COG6: variants seen among roughly 807,000 people sequenced by gnomAD.
The protein encoded by COG6 is component of oligomeric golgi complex 6, also known as conserved oligomeric Golgi complex subunit 6.
COG6 carries 74 observed loss-of-function variants against 88.8 expected under a neutral mutation model. That is an observed-to-expected ratio of 0.83 (90% CI 0.69 to 1.01). The LOEUF (loss-of-function observed/expected upper bound fraction) is 1.01, where lower values mean the gene tolerates loss of function less well. Among genes scored for constraint, COG6 ranks in the 50% least tolerant of loss-of-function variants. The pLI, the probability that COG6 is intolerant of heterozygous loss-of-function variation, is 0.00. For synonymous variants in COG6, 286 were observed against 278.7 expected (o/e 1.03, Z -0.26); for missense variants, 800 against 797.9 (o/e 1.00, Z -0.03).
At chr13:39,787,450 C>A (rs1479109808) in intron 18 of COG6, among the ~76,000 whole-genome samples, 1 of 151,998 alleles carries the variant, frequency 6.6e-6, no homozygotes, top group Non-Finnish European at 1.5e-5. Context: ...ATTAGTTTCA[C>A]CATTTTACAG....
chr13:39,705,029 A>G (rs1315682811), intron 13 of COG6, among the ~76,000 whole-genome samples: 1 of 152,136 alleles, frequency 6.6e-6, no homozygotes, highest in Non-Finnish European at 1.5e-5. Flanking sequence ...ATGTTCCATA[A>G]TTTTATATTA....
rs1880595083 is a variant in COG6, at chr13:39,751,031, T to C, written c.1912T>C (p.Tyr638His). Residue 638 changes from tyrosine (Y) to histidine (H), a missense_variant, in exon 19 of 19, where the codon TAC becomes CAC. By Grantham distance (83) the Tyr-to-His change is moderately conservative. Transcript: ENST00000455146. ...YAAVMNPINEYKDPENILHRS... is the reference protein window; with the variant it reads ...YAAVMNPINEHKDPENILHRS... ...AGCCGTGATGAATCCAATCAATGAA[T>C]ACAAAGATCCAGAGAACATTCTTCA... is the stretch of plus-strand genomic sequence containing the variant. 1 of 1,613,750 alleles carries C rather than the reference T, an allele frequency of 6.2e-7. No homozygotes were observed. Among genetic ancestry groups the C allele is most frequent in the Non-Finnish European group, 8.5e-7 (1 of 1,179,792 alleles).
At chr13:39,677,406 G>A (rs1232223291) in intron 4 of COG6, 62 bp from the exon 5 acceptor site, 24 of 902,170 alleles carry the variant, frequency 2.7e-5, no homozygotes, top group Non-Finnish European at 4.1e-5. Context: ...GATAGAATTT[G>A]TTTTAAAGCT....
chr13:39,720,021 A>G (rs1352526575), intron 15 of COG6, among the ~76,000 whole-genome samples, 194 bp downstream of exon 15: 1 of 151,460 alleles, frequency 6.6e-6, no homozygotes, highest in African/African-American at 2.4e-5. Context: ...ACACACACAC[A>G]CACACAAATT....
chr13:39,762,814 T>C (rs562397271), intron 18 of COG6, among the ~76,000 whole-genome samples: 19 of 151,518 alleles, frequency 1.3e-4, no homozygotes, highest in Non-Finnish European at 2.5e-4. Context: ...CTTTTTCTTT[T>C]CTTTTATGCT....
At chr13:39,668,293 AT>A (rs1408962013) in intron 4 of COG6, among the ~76,000 whole-genome samples, 2 of 152,106 alleles carry the variant, frequency 1.3e-5, no homozygotes, top group Non-Finnish European at 2.9e-5. Flanking sequence ...TATCCCAGGT[AT>A]TTTTATGCAG....
At chr13:39,716,933 G>T (rs1878560207) in intron 13 of COG6, among the ~76,000 whole-genome samples, 1 of 152,100 alleles carries the variant, frequency 6.6e-6, no homozygotes. Flanking sequence ...ATCTTTGTTG[G>T]AGTCTTGACC....
chr13:39,685,384 A>T (rs1355796785), intron 8 of COG6, among the ~76,000 whole-genome samples: 1 of 152,110 alleles, frequency 6.6e-6, no homozygotes, highest in African/African-American at 2.4e-5. Context: ...GCTTTAAATT[A>T]TATTTGTTCT....
At chr13:39,662,464 G>C (rs7999758) in intron 3 of COG6, among the ~76,000 whole-genome samples, 1 of 151,848 alleles carries the variant, frequency 6.6e-6, no homozygotes, top group Non-Finnish European at 1.5e-5. Flanking sequence ...CTCACATCCT[G>C]TTTTTTCTTC....
intron 4 of COG6, among the ~76,000 whole-genome samples, chr13:39,667,833 G>A (rs1021241339): frequency 7.2e-5 from 11 of 152,094 alleles, no homozygotes; most frequent in African/African-American, 2.7e-4. Flanking sequence ...GACTAAGAAG[G>A]ACATGATGGC....
intron 18 of COG6, among the ~76,000 whole-genome samples, chr13:39,731,132 T>C (rs1181939701): frequency 1.3e-5 from 2 of 152,082 alleles, no homozygotes; most frequent in African/African-American, 2.4e-5. Flanking sequence ...AAAGCAAATT[T>C]TTAAATTGCG....
intron 13 of COG6, among the ~76,000 whole-genome samples, chr13:39,716,650 T>C (rs766317145): frequency 7.2e-5 from 11 of 152,126 alleles, no homozygotes; most frequent in Non-Finnish European, 1.6e-4. Flanking sequence ...TTTAAACATA[T>C]ATGTATGTGG....
Position 39,660,821 on chromosome 13 carries a change from CA to C in COG6, c.310del (p.Ile104Ter), listed in dbSNP as rs778132215. ...TTTCTTCTTTTCAGGAACTTGAAAG[CA>C]TAAGCGAAGATGTTCAAGCAATGAG... ...FKEVKEELES[I>X]SEDVQAMSNC... On this transcript the variant is annotated frameshift_variant, in exon 3 of 19. Coordinates refer to ENST00000455146, the MANE Select transcript of COG6 (RefSeq NM_020751.3). LOFTEE classifies it high-confidence loss of function. The C allele has an allele frequency of 7.5e-6, 12 of 1,606,774 alleles. No individual in the cohort carries two copies. The highest frequency in any genetic ancestry group is 1.0e-5 in the Non-Finnish European group (12 of 1,173,848).
intron 8 of COG6, 138 bp from the exon 9 acceptor site, chr13:39,687,365 G>A (rs1876709670): frequency 5.2e-6 from 4 of 770,212 alleles, no homozygotes; most frequent in South Asian, 3.1e-5. Context: ...TTGTTTGAAA[G>A]CAATGTTGCT....
In COG6 at chr13:39,666,367, C is replaced by G. The variant is rs116242031; in HGVS notation, c.428+1213C>G. Among the ~76,000 whole-genome samples the G allele has an allele frequency of 8.2e-3, 1,247 of 152,234 alleles. 20 individuals are homozygous for G. Among genetic ancestry groups the G allele is most frequent in the African/African-American group, 0.028 (1,180 of 41,532 alleles). ...AGTGGGCTATGATAGTGCCACTGCA[C>G]TCCAGCCTGGGTGACAGAAGGAGAT... On this transcript the variant is annotated intron_variant, in intron 4 of 18. Transcript: ENST00000455146.
chr13:39,681,328 T>C (rs1179133872), intron 7 of COG6, among the ~76,000 whole-genome samples: 1 of 152,232 alleles, frequency 6.6e-6, no homozygotes, highest in Admixed American at 6.5e-5. Flanking sequence ...TCTGGAGTGT[T>C]GTCTGCCTTT....
At chr13:39,687,017 C>T (rs1876688209) in intron 8 of COG6, among the ~76,000 whole-genome samples, 1 of 152,120 alleles carries the variant, frequency 6.6e-6, no homozygotes, top group Non-Finnish European at 1.5e-5. Context: ...GTGTGAACCA[C>T]CGCACCCAGC....
At chr13:39,659,555 G>A (rs1312142917) in intron 2 of COG6, 48 bp downstream of exon 2, 2 of 1,485,860 alleles carry the variant, frequency 1.3e-6, no homozygotes, top group Admixed American at 1.7e-5. Flanking sequence ...TTACTATTAC[G>A]CCTGGCTCTG....
chr13:39,673,051 C>T (rs373833565), intron 4 of COG6, among the ~76,000 whole-genome samples: 6 of 151,992 alleles, frequency 3.9e-5, no homozygotes, highest in East Asian at 1.9e-4. Flanking sequence ...TGTCTATTTA[C>T]GTCCTTTACC....
Sources: gnomAD v4.1 joint callset for allele counts (sites outside exome capture counted in the v4.1 genomes callset) on GRCh38, gnomAD v4.1.1 for gene constraint, MANE v1.5 for transcripts, NCBI Gene and HGNC (gene_info 2026-07-23, HGNC 2026-07-21) for gene names.